HTR7: variants seen among roughly 807,000 people sequenced by gnomAD.
HTR7 encodes 5-hydroxytryptamine receptor 7.
HTR7 carries 16 observed loss-of-function variants against 34.0 expected under a neutral mutation model. The observed-to-expected ratio is 0.47, with a 90% CI of 0.32 to 0.71. The LOEUF is 0.71. HTR7 is among the 30% of genes least tolerant of loss of function. The pLI, the probability that HTR7 is intolerant of heterozygous loss-of-function variation, is 0.04. For missense variants in HTR7, 504 were observed against 625.5 expected (o/e 0.81, Z 2.07); for synonymous variants, 265 against 260.2 (o/e 1.02, Z -0.18).
At chr10:90,826,683 A>G (rs1846080341) in intron 1 of HTR7, among the ~76,000 whole-genome samples, 1 of 152,184 alleles carries the variant, frequency 6.6e-6, no homozygotes, top group South Asian at 2.1e-4. Context: ...TACTGGGGTA[A>G]TCCCAGCACT....
intron 1 of HTR7, among the ~76,000 whole-genome samples, chr10:90,769,982 C>T (rs555846160): frequency 7.2e-4 from 109 of 152,330 alleles, no homozygotes; most frequent in South Asian, 1.9e-3. Context: ...GGAGCCGCTG[C>T]GGGAGCAGCA....
chr10:90,779,279 G>A (rs1339766255), intron 1 of HTR7, among the ~76,000 whole-genome samples: 1 of 152,148 alleles, frequency 6.6e-6, no homozygotes, highest in Admixed American at 6.5e-5. Context: ...GAGAAAGAGG[G>A]ACCAACATCA....
At chr10:90,835,001 A>G (rs1274220772) in intron 1 of HTR7, among the ~76,000 whole-genome samples, 1 of 152,210 alleles carries the variant, frequency 6.6e-6, no homozygotes, top group Non-Finnish European at 1.5e-5. Context: ...AAAATTTGCT[A>G]TTCCCTGGAA....
chr10:90,770,120 G>A (rs1295836522), intron 1 of HTR7, among the ~76,000 whole-genome samples: 1 of 152,178 alleles, frequency 6.6e-6, no homozygotes, highest in Non-Finnish European at 1.5e-5. Context: ...CCCTGGCCCA[G>A]CATGACCATT....
intron 1 of HTR7, among the ~76,000 whole-genome samples, chr10:90,788,266 C>G (rs545852774): frequency 5.9e-5 from 9 of 152,100 alleles, no homozygotes; most frequent in Non-Finnish European, 1.3e-4. Flanking sequence ...TTACCAAAAA[C>G]GAAACACCTA....
intron 2 of HTR7, among the ~76,000 whole-genome samples, chr10:90,745,481 C>T (rs1844619003): frequency 6.6e-6 from 1 of 152,166 alleles, no homozygotes; most frequent in Non-Finnish European, 1.5e-5. Context: ...TTGCAGGAGA[C>T]ACAAACATTC....
chr10:90,803,903 T>C (rs1225317704), intron 1 of HTR7, among the ~76,000 whole-genome samples: 1 of 152,140 alleles, frequency 6.6e-6, no homozygotes, highest in African/African-American at 2.4e-5. Context: ...TGGCCCTAAA[T>C]GAGAACTTCA....
intron 1 of HTR7, among the ~76,000 whole-genome samples, chr10:90,780,521 A>G (rs1222350879): frequency 6.9e-6 from 1 of 145,570 alleles, no homozygotes; most frequent in African/African-American, 2.6e-5. Flanking sequence ...TGGGCGACAG[A>G]GTGAGACTCC....
chr10:90,810,461 C>T (rs562420838), intron 1 of HTR7, among the ~76,000 whole-genome samples: 18 of 152,262 alleles, frequency 1.2e-4, no homozygotes, highest in East Asian at 1.9e-4. Context: ...TGTTATCACT[C>T]GCCTGCTACA....
intron 1 of HTR7, among the ~76,000 whole-genome samples, chr10:90,751,078 C>T (rs745551306): frequency 3.3e-5 from 5 of 152,134 alleles, no homozygotes; most frequent in Admixed American, 2.6e-4. Context: ...GCGTTCATGA[C>T]GCTGGTTCTT....
intron 1 of HTR7, among the ~76,000 whole-genome samples, chr10:90,851,488 C>T (rs570806210): frequency 1.3e-5 from 2 of 151,568 alleles, no homozygotes; most frequent in Admixed American, 1.3e-4. Context: ...GCCTGTACTC[C>T]CAGCTACTCT....
intron 1 of HTR7, among the ~76,000 whole-genome samples, chr10:90,853,246 TA>T (rs1407115423): frequency 1.3e-5 from 2 of 151,936 alleles, no homozygotes; most frequent in Non-Finnish European, 2.9e-5. Context: ...TTTCATGTTT[TA>T]AAACTATGCA....
intron 1 of HTR7, among the ~76,000 whole-genome samples, chr10:90,781,104 C>T (rs886236943): frequency 2.6e-5 from 4 of 152,154 alleles, no homozygotes; most frequent in African/African-American, 7.2e-5. Context: ...TCCTCTCCCC[C>T]ATTTCTACCC....
At chr10:90,770,334 G>A (rs568370799) in intron 1 of HTR7, among the ~76,000 whole-genome samples, 92 of 152,302 alleles carry the variant, frequency 6.0e-4, no homozygotes, top group African/African-American at 1.7e-3. Flanking sequence ...AGTTGGGCAC[G>A]GAGGGGCAGG....
At chr10:90,775,861 G>A (rs939818598) in intron 1 of HTR7, among the ~76,000 whole-genome samples, 15 of 152,086 alleles carry the variant, frequency 9.9e-5, no homozygotes, top group African/African-American at 3.6e-4. Flanking sequence ...CACTGCCCAA[G>A]AGAAACACAA....
intron 1 of HTR7, among the ~76,000 whole-genome samples, chr10:90,800,202 T>G (rs946715661): frequency 3.3e-5 from 5 of 152,054 alleles, no homozygotes; most frequent in Non-Finnish European, 4.4e-5. Context: ...CATACATTGA[T>G]TTGAGAATGT....
chr10:90,772,577 T>C (rs1845133542), intron 1 of HTR7, among the ~76,000 whole-genome samples: 1 of 152,226 alleles, frequency 6.6e-6, no homozygotes, highest in African/African-American at 2.4e-5. Flanking sequence ...GAATTTAAAA[T>C]TGTAGCTAAT....
chr10:90,819,850 T>TAA (rs374696872), intron 1 of HTR7, among the ~76,000 whole-genome samples: 66 of 142,010 alleles, frequency 4.6e-4, no homozygotes, highest in African/African-American at 1.2e-3. Flanking sequence ...ATTCCCATCT[T>TAA]AAAAAAAAAA....
intron 1 of HTR7, among the ~76,000 whole-genome samples, chr10:90,776,252 G>A (rs183652140): frequency 1.5e-3 from 231 of 152,190 alleles, no homozygotes; most frequent in African/African-American, 5.1e-3. Context: ...ACTTAAATTC[G>A]TAAATACTTT....
Sources: allele counts gnomAD v4.1 joint callset (sites outside exome capture counted in the v4.1 genomes callset), GRCh38; gene constraint gnomAD v4.1.1; transcripts MANE v1.5; gene names NCBI Gene and HGNC (gene_info 2026-07-23, HGNC 2026-07-21).